Variants in PHLPP1 observed in about 807,000 individuals in gnomAD.
The protein encoded by PHLPP1 is PH domain and leucine rich repeat protein phosphatase 1, also known as PH domain leucine-rich repeat-containing protein phosphatase 1.
In PHLPP1, 42 loss-of-function variants were observed where a neutral mutation model predicts 117.2. The observed-to-expected ratio is 0.36, with a 90% CI of 0.28 to 0.46. The LOEUF (loss-of-function observed/expected upper bound fraction) is 0.46. PHLPP1 is among the 20% of genes least tolerant of loss of function. PHLPP1 has a pLI of 1.00. For missense variants in PHLPP1, 2,084 were observed against 2,241.9 expected, an observed-to-expected ratio of 0.93 and a Z score of 1.42; for synonymous variants, 1,042 against 970.7, an observed-to-expected ratio of 1.07 and a Z score of -1.37.
rs374700954 is a variant in PHLPP1 at position 62,914,993 on chromosome 18, G to A, written c.2789G>A (p.Cys930Tyr). Residue 930 changes from cysteine (C) to tyrosine (Y), a missense_variant, in exon 9 of 17, where the codon TGT becomes TAT. By Grantham distance (194) the Cys-to-Tyr change is radical. Coordinates refer to ENST00000262719, the MANE Select transcript of PHLPP1 (RefSeq NM_194449.4). ...EVLDIGHNQI[C>Y]ELPARLFCNS... ...TTGGATATTGGCCATAATCAAATAT[G>A]TGAACTTCCTGCCCGGTGAGTATTA... 6.8e-6 allele frequency: 11 copies of A among 1,612,260 alleles called. No individual in the cohort carries two copies. In the African/African-American group the frequency reaches 1.5e-4, roughly 22 times the overall value.
intron 12 of PHLPP1, among the ~76,000 whole-genome samples, chr18:62,946,817 G>A (rs564480620): frequency 2.6e-5 from 4 of 152,276 alleles, no homozygotes; most frequent in South Asian, 4.1e-4. Flanking sequence ...ACTTTGGGAG[G>A]CCAAGGCAGG....
At chr18:62,953,507 C>T (rs1017808845) in intron 12 of PHLPP1, among the ~76,000 whole-genome samples, 4 of 152,192 alleles carry the variant, frequency 2.6e-5, no homozygotes, top group African/African-American at 9.6e-5. Flanking sequence ...CCCTGGGCTG[C>T]TATGACCTGT....
intron 1 of PHLPP1, among the ~76,000 whole-genome samples, chr18:62,797,592 T>C (rs1408075620): frequency 6.6e-6 from 1 of 152,158 alleles, no homozygotes; most frequent in Non-Finnish European, 1.5e-5. Context: ...TTGAAGGAAA[T>C]GAGGAAATAA....
In PHLPP1 at chr18:62,716,718, C is replaced by T. The variant is rs955569313; in HGVS notation, c.1035C>T (p.Ser345=). ...CCCGCGCCCCACGGCCTGTGGTCTC[C>T]GACACCGAGAGCTTCAGTCTGAGTC... ...SSPRAPRPVV[S]DTESFSLSPS... is the part of the protein sequence containing the mutation. Residue 345 remains serine (S), a synonymous_variant, in exon 1 of 17, where the codon TCC becomes TCT. Transcript: ENST00000262719. The surrounding 1 kb of genome is among the most constrained non-coding windows in gnomAD (Gnocchi z 5.7). 35 of 1,501,660 alleles carry T rather than the reference C, an allele frequency of 2.3e-5. No individual in the cohort carries two copies. Among genetic ancestry groups the T allele is most frequent in the Non-Finnish European group, 2.9e-5 (33 of 1,130,094 alleles). The allele number at this position is 1,501,660 out of a possible 1,614,324, so 93.0% of individuals were successfully genotyped here.
chr18:62,961,007 T>C (rs533330730), intron 13 of PHLPP1, among the ~76,000 whole-genome samples: 15 of 152,144 alleles, frequency 9.9e-5, no homozygotes, highest in Admixed American at 2.0e-4. Context: ...TTTAAAGATA[T>C]ACAAGATGGC....
chr18:62,954,587 T>G (rs1910559186), intron 12 of PHLPP1, among the ~76,000 whole-genome samples: 1 of 152,194 alleles, frequency 6.6e-6, no homozygotes, highest in Non-Finnish European at 1.5e-5. Context: ...CAGCACCAGA[T>G]ACCAACATCC....
intron 10 of PHLPP1, among the ~76,000 whole-genome samples, chr18:62,937,313 G>A (rs1479219884): frequency 6.6e-6 from 1 of 152,232 alleles, no homozygotes; most frequent in African/African-American, 2.4e-5. Context: ...AGCCATATCT[G>A]TGTGTCTTTT....
chr18:62,862,785 G>A (rs1915665087), intron 4 of PHLPP1, among the ~76,000 whole-genome samples: 1 of 152,184 alleles, frequency 6.6e-6, no homozygotes, highest in Admixed American at 6.5e-5. Flanking sequence ...CAGGGGTTGA[G>A]ATGTAATAAG....
In PHLPP1 at chr18:62,739,585, A is replaced by G. The variant is rs528441286; in HGVS notation, c.1576+22326A>G. Reference sequence around the variant, plus strand: ...CCCTGAAGGCAGAAATTTGAACAGTATTTCTATCCTGAAGGGAGAGAGGGA... The same window carrying G: ...CCCTGAAGGCAGAAATTTGAACAGTGTTTCTATCCTGAAGGGAGAGAGGGA... On this transcript the variant is annotated intron_variant, in intron 1 of 16. Coordinates refer to ENST00000262719, the MANE Select transcript of PHLPP1 (RefSeq NM_194449.4). Among the ~76,000 whole-genome samples the G allele has an allele frequency of 1.2e-4, 19 of 152,284 alleles. No individual in the cohort carries two copies. The East Asian group carries it at 3.1e-3, about 25-fold the overall frequency.
chr18:62,850,617 G>A (rs991791128), intron 3 of PHLPP1, among the ~76,000 whole-genome samples: 1 of 152,126 alleles, frequency 6.6e-6, no homozygotes, highest in African/African-American at 2.4e-5. Flanking sequence ...ATAAGGAACT[G>A]AGGAAGGAAC....
chr18:62,978,858 C>T lies in PHLPP1; in HGVS notation c.4581C>T (p.Phe1527=), dbSNP rs1312356395. The T allele has an allele frequency of 6.2e-7, 1 of 1,607,048 alleles. No individual in the cohort carries two copies. The highest frequency in any genetic ancestry group is 8.5e-7 in the Non-Finnish European group (1 of 1,176,860). ...ACCCCATCTGTCTGTCCAACTCCTT[C>T]CAGCGCCAGCTATCCAGCGCCACGT... ...MLHPICLSNS[F]QRQLSSATFS... is the part of the protein sequence containing the mutation. Residue 1527 remains phenylalanine (F), a synonymous_variant, in exon 17 of 17, where the codon TTC becomes TTT. Transcript: ENST00000262719. This position sits in a 1 kb window ranked among gnomAD's most constrained non-coding sequence, Gnocchi z 7.0.
chr18:62,886,943 G>A (rs1916301134), intron 4 of PHLPP1, among the ~76,000 whole-genome samples: 1 of 152,154 alleles, frequency 6.6e-6, no homozygotes, highest in Non-Finnish European at 1.5e-5. Flanking sequence ...GCTTGTCCTG[G>A]AAAATGAAGT....
intron 3 of PHLPP1, among the ~76,000 whole-genome samples, chr18:62,855,460 C>T (rs542746474): frequency 1.3e-5 from 2 of 152,264 alleles, no homozygotes; most frequent in South Asian, 4.1e-4. Flanking sequence ...GCCCAGGTTG[C>T]TCTGAGTAGA....
At position 62,815,318 on chromosome 18, in the gene PHLPP1, C is replaced by T. The variant is rs1371820070; in HGVS notation, c.1577-14717C>T. On this transcript the variant is annotated intron_variant, in intron 1 of 16. Coordinates refer to ENST00000262719, the MANE Select transcript of PHLPP1 (RefSeq NM_194449.4). ...GACTACAGGCGCCCGCCACCACGCC[C>T]GGCTAATTTTTTGTATTTTTAGTAG... Among the ~76,000 whole-genome samples, 6 of 152,078 alleles carry T rather than the reference C, an allele frequency of 3.9e-5. No homozygotes were observed. The East Asian group carries it at 7.7e-4, about 20-fold the overall frequency.
intron 4 of PHLPP1, among the ~76,000 whole-genome samples, chr18:62,866,171 G>C (rs1915766153): frequency 6.6e-6 from 1 of 151,914 alleles, no homozygotes; most frequent in African/African-American, 2.4e-5. Context: ...TTTGAACAAG[G>C]TTTCAACTAT....
intron 1 of PHLPP1, among the ~76,000 whole-genome samples, chr18:62,821,289 A>G (rs1310670121): frequency 6.6e-6 from 1 of 152,164 alleles, no homozygotes; most frequent in Non-Finnish European, 1.5e-5. Context: ...ATATGTTAGT[A>G]AAAGAAGCAA....
In PHLPP1 at chr18:62,972,696, T is replaced by C. The variant is rs1911088905; in HGVS notation, c.3743T>C (p.Ile1248Thr). The C allele has an allele frequency of 3.1e-6, 5 of 1,611,932 alleles. No homozygotes were observed. The South Asian group carries it at 3.3e-5, about 11-fold the overall frequency. Residue 1248 changes from isoleucine to threonine, a missense_variant, in exon 15 of 17, where the codon ATT (isoleucine) becomes ACT (threonine). Physicochemically the swap from Ile to Thr is moderately conservative, Grantham distance 89. Coordinates refer to ENST00000262719, the MANE Select transcript of PHLPP1 (RefSeq NM_194449.4). ...NEEEYMVNTF[I>T]VMQRKLGTAG... ...GAAGAATACATGGTCAATACATTCA[T>C]TGTCATGCAAAGGTAAAACTCAGAG...
chr18:62,798,109 G>A (rs1467867196), intron 1 of PHLPP1, among the ~76,000 whole-genome samples: 1 of 152,154 alleles, frequency 6.6e-6, no homozygotes, highest in African/African-American at 2.4e-5. Flanking sequence ...GAATCACCTA[G>A]AAGGCTCATA....
At chr18:62,883,286 A>G (rs888558240) in intron 4 of PHLPP1, among the ~76,000 whole-genome samples, 2 of 152,196 alleles carry the variant, frequency 1.3e-5, no homozygotes, top group Non-Finnish European at 2.9e-5. Flanking sequence ...GAAACACCAG[A>G]CAGCAGGCTG....
Sources: allele counts gnomAD v4.1 joint callset (sites outside exome capture counted in the v4.1 genomes callset), GRCh38; gene constraint gnomAD v4.1.1; non-coding constraint Gnocchi (gnomAD v3.1); transcripts MANE v1.5; gene names NCBI Gene and HGNC (gene_info 2026-07-23, HGNC 2026-07-21).